The following TMEM184B variants were observed in gnomAD, a reference collection of about 807,000 sequenced individuals.
TMEM184B encodes transmembrane protein 184B.
Under a neutral mutation model 41.8 loss-of-function variants are expected in TMEM184B, and 17 were observed. The observed-to-expected ratio is 0.41, with a 90% CI of 0.28 to 0.61. TMEM184B has a LOEUF of 0.61. Ranked by LOEUF, TMEM184B falls within the 20% of genes least tolerant of loss-of-function variation. The probability of loss-of-function intolerance (pLI) is 0.34; values close to 1 mark genes in which losing one functional copy is unlikely to be tolerated. For missense variants in TMEM184B, 393 were observed against 557.8 expected (o/e 0.70, Z 2.98); for synonymous variants, 240 against 229.5 (o/e 1.05, Z -0.41).
intron 1 of TMEM184B, among the ~76,000 whole-genome samples, chr22:38,248,331 G>A (rs368353328): frequency 1.3e-5 from 2 of 152,116 alleles, no homozygotes; most frequent in Non-Finnish European, 2.9e-5. Context: ...ACCATAGTCC[G>A]TACCCAAGGA....
chr22:38,217,839 A>AAAG (rs2146031274), downstream of TMEM184B, among the ~76,000 whole-genome samples: 1 of 144,508 alleles, frequency 6.9e-6, no homozygotes, highest in East Asian at 2.0e-4. Flanking sequence ...TCAAAAAAAA[A>AAAG]AAAAAAAAGA....
In TMEM184B at chr22:38,224,928, G is replaced by A. The variant is rs780667372; in HGVS notation, c.839C>T (p.Ser280Leu). ...EKCGAIPKIH[S>L]ARVSVGEGTV... ...GCCCTCGCCCACCGACACGCGGGCC[G>A]AGTGGATTTTGGGGATGGCCCCACA... The change falls in exon 8 of 9, where the codon TCG (serine) becomes TTG (leucine). Residue 280 changes from serine to leucine, a missense_variant. This residue lies in a region of TMEM184B where 271 missense variants were observed against 434.1 expected (regional missense o/e 0.62). Coordinates refer to ENST00000361906, the MANE Select transcript of TMEM184B (RefSeq NM_012264.5). 5.0e-5 allele frequency: 80 copies of A among 1,607,200 alleles called. No individual in the cohort carries two copies. The South Asian group carries it at 5.9e-4, about 12-fold the overall frequency.
Position 38,221,191 on chromosome 22 carries a change from C to G in TMEM184B, c.*278G>C. On this transcript the variant is annotated 3_prime_UTR_variant, in exon 9 of 9. Coordinates refer to ENST00000361906, the MANE Select transcript of TMEM184B (RefSeq NM_012264.5). ...GCGGCTGGTCCCAGCATGCCCCCAG[C>G]ACAGGACGGGCAGCAGGGGCATAAG... The G allele has an allele frequency of 7.7e-7, 1 of 1,297,164 alleles. No individual in the cohort carries two copies. Among genetic ancestry groups the G allele is most frequent in the Non-Finnish European group, 9.8e-7 (1 of 1,021,640 alleles). The allele number at this position is 1,297,164 out of a possible 1,614,324, so 80.4% of individuals were successfully genotyped here.
chr22:38,246,943 C>A, intron 2 of TMEM184B: 3 of 1,181,976 alleles, frequency 2.5e-6, no homozygotes, highest in Non-Finnish European at 3.4e-6. Context: ...GCCTTGGACG[C>A]AAATGGGTTC....
At chr22:38,224,184 C>T (rs954390812) in intron 8 of TMEM184B, 1 of 152,166 alleles carries the variant, frequency 6.6e-6, no homozygotes, top group Non-Finnish European at 1.5e-5. Flanking sequence ...GGCACAATCT[C>T]GCTCACTGCA....
At chr22:38,247,309 A>C (rs1287500329) in intron 2 of TMEM184B, among the ~76,000 whole-genome samples, 1 of 152,236 alleles carries the variant, frequency 6.6e-6, no homozygotes, top group Non-Finnish European at 1.5e-5. Flanking sequence ...GAACAGAGTG[A>C]CGAGTGTCAC....
chr22:38,243,292 T>C (rs1335205939), intron 3 of TMEM184B, among the ~76,000 whole-genome samples: 2 of 152,190 alleles, frequency 1.3e-5, no homozygotes, highest in African/African-American at 4.8e-5. Context: ...AGCCATCTGC[T>C]GCCGCCTCTG....
At chr22:38,252,062 A>T (rs1325960989) in intron 1 of TMEM184B, among the ~76,000 whole-genome samples, 36 of 142,880 alleles carry the variant, frequency 2.5e-4, no homozygotes, top group East Asian at 1.6e-3. Flanking sequence ...TGTCCAACAA[A>T]TTTTTTTTTT....
rs150364148 is a variant in TMEM184B, at chr22:38,237,174, G to A, written c.359-5840C>T. On this transcript the variant is annotated intron_variant, in intron 3 of 8. Transcript: ENST00000361906. ...AGGCTCTACATGTTCACATCCCCCC[G>A]CAACGGCCACCCTCATTCCCCCACA... Among the ~76,000 whole-genome samples, 38 of 152,066 alleles carry A rather than the reference G, an allele frequency of 2.5e-4. No individual in the cohort carries two copies. The East Asian group carries it at 3.3e-3, about 13-fold the overall frequency.
chr22:38,268,150 A>C (rs2092470619), intron 1 of TMEM184B, among the ~76,000 whole-genome samples: 2 of 152,216 alleles, frequency 1.3e-5, no homozygotes, highest in African/African-American at 2.4e-5. Context: ...TGGGAGGCCA[A>C]GGCGGGCAGA....
At chr22:38,258,299 A>ATTTT (rs1300992198) in intron 1 of TMEM184B, among the ~76,000 whole-genome samples, 38 of 148,160 alleles carry the variant, frequency 2.6e-4, no homozygotes, top group African/African-American at 9.4e-4. Flanking sequence ...AATTTTTCCA[A>ATTTT]ATTTTTTTTT....
In TMEM184B at chr22:38,256,812, C is replaced by T. The variant is rs1030427483; in HGVS notation, c.-58-8793G>A. Among the ~76,000 whole-genome samples the T allele has an allele frequency of 6.6e-5, 10 of 152,244 alleles. No homozygotes were observed. In the East Asian group the frequency reaches 1.5e-3, roughly 23 times the overall value. On this transcript the variant is annotated intron_variant, in intron 1 of 8. Transcript: ENST00000361906. ...TTAAATACTTCGGTGTGCATCTGTACTTGATAAAGACTTTTTAAACTTTCT... is the reference window on the plus strand; with the variant it reads ...TTAAATACTTCGGTGTGCATCTGTATTTGATAAAGACTTTTTAAACTTTCT...
chr22:38,259,800 G>A (rs2092341909), intron 1 of TMEM184B, among the ~76,000 whole-genome samples: 1 of 152,218 alleles, frequency 6.6e-6, no homozygotes, highest in African/African-American at 2.4e-5. Context: ...TTTTGAGAAG[G>A]AGTCTCACTC....
chr22:38,222,750 T>G, intron 8 of TMEM184B: 1 of 974,908 alleles, frequency 1.0e-6, no homozygotes, highest in Non-Finnish European at 1.2e-6. Flanking sequence ...GACAGCTGAG[T>G]GAACAATGTG....
intron 1 of TMEM184B, among the ~76,000 whole-genome samples, chr22:38,259,646 G>A (rs1225505757): frequency 2.6e-5 from 4 of 152,252 alleles, no homozygotes; most frequent in Non-Finnish European, 5.9e-5. Flanking sequence ...TCCAGAAGGA[G>A]TATGGCCCTG....
intron 1 of TMEM184B, among the ~76,000 whole-genome samples, chr22:38,254,012 C>A (rs977751094): frequency 6.6e-6 from 1 of 152,014 alleles, no homozygotes; most frequent in African/African-American, 2.4e-5. Flanking sequence ...ATCAGCCTGG[C>A]CAACATGGTG....
chr22:38,266,507 G>A (rs576061278), intron 1 of TMEM184B, among the ~76,000 whole-genome samples: 17 of 152,248 alleles, frequency 1.1e-4, no homozygotes, highest in Admixed American at 2.0e-4. Flanking sequence ...CAACGGTGCC[G>A]TCCAGCTAAA....
At chr22:38,224,394 G>A (rs572236740) in intron 8 of TMEM184B, among the ~76,000 whole-genome samples, 21 of 152,328 alleles carry the variant, frequency 1.4e-4, no homozygotes, top group South Asian at 2.1e-4. Context: ...GATTATAGGC[G>A]TGAGCCACCG....
intron 1 of TMEM184B, among the ~76,000 whole-genome samples, chr22:38,267,710 G>A (rs1229128117): frequency 1.3e-5 from 2 of 152,132 alleles, no homozygotes; most frequent in Non-Finnish European, 2.9e-5. Context: ...TGGGATTACA[G>A]GTGTGAGCCA....
Sources: gnomAD v4.1 joint callset for allele counts (sites outside exome capture counted in the v4.1 genomes callset) on GRCh38, gnomAD v4.1.1 for gene constraint, gnomAD v4.1.1 regional missense constraint, MANE v1.5 for transcripts, NCBI Gene and HGNC (gene_info 2026-07-23, HGNC 2026-07-21) for gene names.